MIGA2: variants seen among roughly 807,000 people sequenced by gnomAD.
The protein encoded by MIGA2 is family with sequence similarity 73, member B.
In MIGA2, 36 loss-of-function variants were observed where a neutral mutation model predicts 69.9. That is an observed-to-expected ratio of 0.52 (90% CI 0.39 to 0.68). The LOEUF is 0.68. Ranked by LOEUF, MIGA2 falls within the 30% of genes least tolerant of loss-of-function variation. The probability of loss-of-function intolerance (pLI) is 0.00; values close to 1 mark genes in which losing one functional copy is unlikely to be tolerated. For missense variants in MIGA2, 660 were observed against 787.7 expected, an observed-to-expected ratio of 0.84 and a Z score of 1.94; for synonymous variants, 333 against 349.2, an observed-to-expected ratio of 0.95 and a Z score of 0.52.
rs1468295782 is a variant in MIGA2 at position 129,047,985 on chromosome 9, C to T, written c.308-442C>T. Among the ~76,000 whole-genome samples the T allele has an allele frequency of 3.9e-5, 6 of 152,296 alleles. No individual in the cohort carries two copies. In the East Asian group the frequency reaches 5.8e-4, roughly 15 times the overall value. Reference sequence around the variant, plus strand: ...CTCAAGCAGTCCTCCCCCATCTCGGCCTCCCAAAGTGCTGGGATTATAGGT... The same window carrying T: ...CTCAAGCAGTCCTCCCCCATCTCGGTCTCCCAAAGTGCTGGGATTATAGGT... On this transcript the variant is annotated intron_variant, in intron 3 of 15. Coordinates refer to ENST00000684074, the MANE Select transcript of MIGA2 (RefSeq NM_001329990.2).
At chr9:129,050,011 G>A (rs1486807829) in intron 6 of MIGA2, 48 bp downstream of exon 6, 3 of 1,575,488 alleles carry the variant, frequency 1.9e-6, no homozygotes, top group Non-Finnish European at 2.6e-6. Flanking sequence ...AAAGTTGGCA[G>A]CACAGGAGAG....
rs945863033 is a variant in MIGA2, at chr9:129,069,671, C to T, written c.1459-178C>T. 1 of 640,710 alleles carries T rather than the reference C, an allele frequency of 1.6e-6. No individual in the cohort carries two copies. Among genetic ancestry groups the T allele is most frequent in the Non-Finnish European group, 2.8e-6 (1 of 352,762 alleles). 39.7% of individuals were successfully genotyped at this position (640,710 alleles called of 1,614,324 possible). A position where few individuals can be genotyped will look rare whatever the true frequency, so the allele number is the denominator to read the frequency against. On this transcript the variant is annotated intron_variant, in intron 14 of 15. Transcript: ENST00000684074. This position sits in a 1 kb window ranked among gnomAD's most constrained non-coding sequence, Gnocchi z 4.9. Reference sequence around the variant, plus strand: ...AGTACTCACAGCGGCCCATGGTTACCCTGTCTGCAGAAGTTAAAATGGGCT... The same window carrying T: ...AGTACTCACAGCGGCCCATGGTTACTCTGTCTGCAGAAGTTAAAATGGGCT...
intron 6 of MIGA2, among the ~76,000 whole-genome samples, chr9:129,051,829 TTAATTAA>T (rs1845561915): frequency 6.7e-6 from 1 of 150,000 alleles, no homozygotes; most frequent in Non-Finnish European, 1.5e-5. Context: ...AATTAATTAA[TTAATTAA>T]TTAATTAGAG....
At chr9:129,050,033 C>A in intron 6 of MIGA2, 70 bp downstream of exon 6, 2 of 1,540,656 alleles carry the variant, frequency 1.3e-6, no homozygotes, top group Non-Finnish European at 1.8e-6. Flanking sequence ...GGCGGCCACA[C>A]CTTGGGAGGC....
At position 129,069,153 on chromosome 9, in the gene MIGA2, G is replaced by T. The variant is rs769231327; in HGVS notation, c.1458+24G>T. 3.1e-6 allele frequency: 5 copies of T among 1,613,574 alleles called. No homozygotes were observed. Among genetic ancestry groups the T allele is most frequent in the Non-Finnish European group, 4.2e-6 (5 of 1,179,864 alleles). On this transcript the variant is annotated intron_variant, in intron 14 of 15. Coordinates refer to ENST00000684074, the MANE Select transcript of MIGA2 (RefSeq NM_001329990.2). This position sits in a 1 kb window ranked among gnomAD's most constrained non-coding sequence, Gnocchi z 4.9. ...TGGTGAGTGACTGGCAGGCCCGGGG[G>T]AGCACGAGCTGGGCTCTGAGGCAGC... is the stretch of plus-strand genomic sequence containing the variant.
At position 129,068,491 on chromosome 9, in the gene MIGA2, A is replaced by G; in HGVS notation, c.1404+159A>G. ...TGGGAGACCAGAGTCTGCCCTGGAG[A>G]AGCCTCCAGGGTGCCCCGTTGCTGC... is the stretch of plus-strand genomic sequence containing the variant. On this transcript the variant is annotated intron_variant, in intron 13 of 15. Transcript: ENST00000684074. The surrounding 1 kb of genome is among the most constrained non-coding windows in gnomAD (Gnocchi z 4.1). 1 of 995,764 alleles carries G rather than the reference A, an allele frequency of 1.0e-6. No homozygotes were observed. The highest frequency in any genetic ancestry group is 1.5e-6 in the Non-Finnish European group (1 of 688,800). The allele number at this position is 995,764 out of a possible 1,614,324, so 61.7% of individuals were successfully genotyped here. A position where few individuals can be genotyped will look rare whatever the true frequency, so the allele number is the denominator to read the frequency against.
intron 2 of MIGA2, among the ~76,000 whole-genome samples, chr9:129,041,155 T>C (rs1475063910): frequency 3.3e-5 from 5 of 152,052 alleles, no homozygotes; most frequent in Non-Finnish European, 7.4e-5. Flanking sequence ...ACCAATATGG[T>C]GAAACGCTAT....
rs1845348910 is a variant in MIGA2, at chr9:129,048,455, C to T, written c.336C>T (p.Pro112=). Residue 112 remains proline (P), a synonymous_variant, in exon 4 of 16, where the codon CCC becomes CCT. Transcript: ENST00000684074. ...KGYSSRRVQS[P]SSKSNDTLSG... is the part of the protein sequence containing the mutation. Reference sequence around the variant, plus strand: ...ACTCCAGCCGGAGAGTCCAGAGCCCCAGCAGCAAGAGCAACGACACCCTGA... The same window carrying T: ...ACTCCAGCCGGAGAGTCCAGAGCCCTAGCAGCAAGAGCAACGACACCCTGA... 1 of 1,613,936 alleles carries T rather than the reference C, an allele frequency of 6.2e-7. No homozygotes were observed.
In MIGA2 at chr9:129,060,451, A is replaced by G; in HGVS notation, c.794-99A>G. ...TGTGGGAATCACAGGCTCGGGATGA[A>G]GCCTCCCCTGGGCCTGATGGGGGAC... On this transcript the variant is annotated intron_variant, in intron 7 of 15. Coordinates refer to ENST00000684074, the MANE Select transcript of MIGA2 (RefSeq NM_001329990.2). The surrounding 1 kb of genome is among the most constrained non-coding windows in gnomAD (Gnocchi z 4.8). 1 of 965,750 alleles carries G rather than the reference A, an allele frequency of 1.0e-6. No individual in the cohort carries two copies. Among genetic ancestry groups the G allele is most frequent in the Non-Finnish European group, 1.6e-6 (1 of 644,804 alleles). The allele number at this position is 965,750 out of a possible 1,614,324, so 59.8% of individuals were successfully genotyped here.
At chr9:129,063,130 C>T (rs543152120) in intron 9 of MIGA2, 114 bp from the exon 10 acceptor site, 37 of 1,049,576 alleles carry the variant, frequency 3.5e-5, no homozygotes, top group Non-Finnish European at 4.8e-5. Context: ...CAGGCTGAGG[C>T]AGGGCCAGGG....
At chr9:129,067,255 A>G (rs1200811366) in intron 11 of MIGA2, among the ~76,000 whole-genome samples, 1 of 152,104 alleles carries the variant, frequency 6.6e-6, no homozygotes, top group Non-Finnish European at 1.5e-5. Context: ...CCCAAACCCC[A>G]GCTAACCCCC....
rs1373749609 is a variant in MIGA2, at chr9:129,048,515, G to A, written c.396G>A (p.Ser132=). The A allele has an allele frequency of 4.3e-6, 7 of 1,613,928 alleles. No individual in the cohort carries two copies. Among genetic ancestry groups the A allele is most frequent in the African/African-American group, 2.7e-5 (2 of 75,046 alleles). Residue 132 remains serine (S), a synonymous_variant, in exon 4 of 16, where the codon TCG becomes TCA. Coordinates refer to ENST00000684074, the MANE Select transcript of MIGA2 (RefSeq NM_001329990.2). ...CTTCCATTGAGCCCAGCAAGCACTCGGGCTCCTCCCACAGTGTGGCCTCGG... is the reference window on the plus strand; with the variant it reads ...CTTCCATTGAGCCCAGCAAGCACTCAGGCTCCTCCCACAGTGTGGCCTCGG... ...GISSIEPSKH[S]GSSHSVASMM...
intron 3 of MIGA2, among the ~76,000 whole-genome samples, chr9:129,045,150 CAAA>C (rs543356730): frequency 3.5e-5 from 3 of 86,124 alleles, no homozygotes; most frequent in Non-Finnish European, 4.7e-5. Flanking sequence ...GACTCTATCT[CAAA>C]AAAAAAAAAA....
chr9:129,067,729 G>A, intron 11 of MIGA2, 44 bp from the exon 12 acceptor site: 1 of 1,559,230 alleles, frequency 6.4e-7, no homozygotes, highest in Non-Finnish European at 8.7e-7. Flanking sequence ...CTGTCCCTGT[G>A]GGTCTTGTCC....
Position 129,068,310 on chromosome 9 carries a change from T to C in MIGA2, c.1382T>C (p.Leu461Pro). ...SVLAVLRNRW[L>P]SDSFKETALA... ...CTCGCCGTCCTGCGGAACCGCTGGC[T>C]GTCAGACAGCTTCAAGGAGACGGTG... is the stretch of plus-strand genomic sequence containing the variant. The change falls in exon 13 of 16, where the codon CTG becomes CCG. Residue 461 changes from leucine to proline, a missense_variant. Physicochemically the swap from Leu to Pro is moderately conservative, Grantham distance 98 (BLOSUM62 -3). This residue lies in a region of MIGA2 where 220 missense variants were observed against 301.7 expected (regional missense o/e 0.73). Transcript: ENST00000684074. The surrounding 1 kb of genome is among the most constrained non-coding windows in gnomAD (Gnocchi z 4.1). 6.2e-7 allele frequency: 1 copy of C among 1,607,956 alleles called. No homozygotes were observed. Among genetic ancestry groups the C allele is most frequent in the Non-Finnish European group, 8.5e-7 (1 of 1,178,810 alleles).
Position 129,069,894 on chromosome 9 carries a change from G to C in MIGA2, c.1504G>C (p.Val502Leu). ...CCATTTCTACTCCGTATCGGAGCAT[G>C]TGAGCCCTGTCCTAGCCTTCGGCTT... ...ISHFYSVSEHVSPVLAFGFLG... is the reference protein window; with the variant it reads ...ISHFYSVSEHLSPVLAFGFLG... The change falls in exon 15 of 16, where the codon GTG (valine) becomes CTG (leucine). Residue 502 changes from valine (V) to leucine (L), a missense_variant. Transcript: ENST00000684074. This position sits in a 1 kb window ranked among gnomAD's most constrained non-coding sequence, Gnocchi z 4.9. 2 of 1,613,910 alleles carry C rather than the reference G, an allele frequency of 1.2e-6. No homozygotes were observed. Among genetic ancestry groups the C allele is most frequent in the South Asian group, 2.2e-5 (2 of 91,088 alleles).
At chr9:129,040,381 T>G in intron 1 of MIGA2, 71 bp from the exon 2 acceptor site, 1 of 1,154,746 alleles carries the variant, frequency 8.7e-7, no homozygotes, top group South Asian at 2.4e-5. Flanking sequence ...CCATGGACGC[T>G]CTTCTTGAGT....
In MIGA2 at chr9:129,061,321, G is replaced by C. The variant is rs529645386; in HGVS notation, c.985G>C (p.Gly329Arg). The stretch of plus-strand genomic sequence containing the variant: ...GGAGGCCCTGCAGCTGGTGAAGGAG[G>C]GGAGAGTGCCTTGCCGGACCCTCAG... ...YEEALQLVKE[G>R]RVPCRTLRTE... The change falls in exon 9 of 16, where the codon GGG (glycine) becomes CGG (arginine). Residue 329 changes from glycine to arginine, a missense_variant. Gly to Arg is a moderately radical substitution (Grantham distance 125, BLOSUM62 -2). Transcript: ENST00000684074. This position sits in a 1 kb window ranked among gnomAD's most constrained non-coding sequence, Gnocchi z 5.0. 6 of 1,612,512 alleles carry C rather than the reference G, an allele frequency of 3.7e-6. No homozygotes were observed. The Admixed American group carries it at 1.0e-4, about 27-fold the overall frequency.
At chr9:129,043,755 C>G (rs1845051659) in intron 3 of MIGA2, among the ~76,000 whole-genome samples, 1 of 151,692 alleles carries the variant, frequency 6.6e-6, no homozygotes, top group Non-Finnish European at 1.5e-5. Context: ...GGCTGGAGTG[C>G]TGTGGCATGA....
Sources: allele counts gnomAD v4.1 joint callset (sites outside exome capture counted in the v4.1 genomes callset), GRCh38; gene constraint gnomAD v4.1.1; regional missense constraint gnomAD v4.1.1; non-coding constraint Gnocchi (gnomAD v3.1); transcripts MANE v1.5; gene names NCBI Gene and HGNC (gene_info 2026-07-23, HGNC 2026-07-21).